NTMT2: variants seen among roughly 807,000 people sequenced by gnomAD.
NTMT2 encodes N-terminal Xaa-Pro-Lys N-methyltransferase 2, also known as X-Pro-Lys N-terminal protein methyltransferase 1B.
Under a neutral mutation model 23.4 loss-of-function variants are expected in NTMT2, and 21 were observed. That is an observed-to-expected ratio of 0.90 (90% CI 0.64 to 1.29). The LOEUF (loss-of-function observed/expected upper bound fraction) is 1.29, where lower values mean the gene tolerates loss of function less well. NTMT2 is among the 50% of genes most tolerant of loss of function. The pLI is 0.00. For missense variants in NTMT2, 336 were observed against 352.0 expected, an observed-to-expected ratio of 0.95 and a Z score of 0.36; for synonymous variants, 131 against 127.7, an observed-to-expected ratio of 1.03 and a Z score of -0.17.
At chr1:170,156,725 A>G (rs1319105511) in intron 1 of NTMT2, among the ~76,000 whole-genome samples, 2 of 151,732 alleles carry the variant, frequency 1.3e-5, no homozygotes, top group African/African-American at 2.4e-5. Context: ...GACACCTCAT[A>G]TATCTTTTTT....
Position 170,167,658 on chromosome 1 carries a change from G to C in NTMT2, c.753G>C (p.Lys251Asn), listed in dbSNP as rs1407379000. The C allele has an allele frequency of 5.8e-6, 9 of 1,551,708 alleles. No individual in the cohort carries two copies. Among genetic ancestry groups the C allele is most frequent in the Non-Finnish European group, 7.8e-6 (9 of 1,146,998 alleles). ...ACATCCTCCGGAGCCTAATAAGGAA[G>C]AGTGGGCTGGTGGTGCTGGGCCAGG... ...DMDILRSLIR[K>N]SGLVVLGQEK... is the part of the protein sequence containing the mutation. The change falls in exon 4 of 4, where the codon AAG (lysine) becomes AAC (asparagine). Residue 251 changes from lysine to asparagine, a missense_variant. Transcript: ENST00000439373.
At chr1:170,162,665 C>A (rs1043471188) in intron 2 of NTMT2, among the ~76,000 whole-genome samples, 7 of 152,220 alleles carry the variant, frequency 4.6e-5, no homozygotes, top group African/African-American at 1.7e-4. Context: ...GAGGTAAGTG[C>A]TATTATTAGC....
At chr1:170,154,720 AGACTTGG>A in intron 1 of NTMT2, among the ~76,000 whole-genome samples, 1 of 152,214 alleles carries the variant, frequency 6.6e-6, no homozygotes, top group African/African-American at 2.4e-5. Context: ...TTGTGACTTG[AGACTTGG>A]GACTTCTGAG....
At position 170,159,486 on chromosome 1, in the gene NTMT2, C is replaced by G. The variant is rs564977631; in HGVS notation, c.155-1032C>G. On this transcript the variant is annotated intron_variant, in intron 1 of 3. Transcript: ENST00000439373. ...TCGTACATTTGCCTTCCTGCTGATT[C>G]TAAGTCTGGAATGTAATTTACTCTT... is the stretch of plus-strand genomic sequence containing the variant. Among the ~76,000 whole-genome samples, 13 of 115,246 alleles carry G rather than the reference C, an allele frequency of 1.1e-4. No individual in the cohort carries two copies. The South Asian group carries it at 3.0e-3, about 27-fold the overall frequency. 75.6% of individuals were successfully genotyped at this position (115,246 alleles called of 152,430 possible). A position where few individuals can be genotyped will look rare whatever the true frequency, so the allele number is the denominator to read the frequency against.
chr1:170,162,623 G>A (rs1005525684), intron 2 of NTMT2, among the ~76,000 whole-genome samples: 2 of 152,180 alleles, frequency 1.3e-5, no homozygotes, highest in African/African-American at 2.4e-5. Context: ...CTTTAGAAGC[G>A]TTGTCTCATT....
chr1:170,151,932 C>A, intron 1 of NTMT2, among the ~76,000 whole-genome samples: 1 of 152,100 alleles, frequency 6.6e-6, no homozygotes, highest in East Asian at 1.9e-4. Context: ...TCTATAGTTA[C>A]TATTTTTTAA....
intron 1 of NTMT2, among the ~76,000 whole-genome samples, chr1:170,154,885 A>G (rs567288068): frequency 2.6e-5 from 4 of 152,216 alleles, no homozygotes; most frequent in African/African-American, 9.6e-5. Context: ...ATAATCCCCA[A>G]TGTTAGAAGT....
Position 170,167,885 on chromosome 1 carries a change from T to A in NTMT2, c.*128T>A. On this transcript the variant is annotated 3_prime_UTR_variant, in exon 4 of 4. Coordinates refer to ENST00000439373, the MANE Select transcript of NTMT2 (RefSeq NM_001136107.2). ...AGGGATACAACATATGTCTGCAAAT[T>A]ATTTGTGATATAATATGTACATGTT... The A allele has an allele frequency of 1.1e-6, 1 of 939,922 alleles. No individual in the cohort carries two copies. Among genetic ancestry groups the A allele is most frequent in the Non-Finnish European group, 1.6e-6 (1 of 644,808 alleles). The allele number at this position is 939,922 out of a possible 1,614,324, so 58.2% of individuals were successfully genotyped here.
intron 1 of NTMT2, among the ~76,000 whole-genome samples, chr1:170,149,329 T>G (rs1673023948): frequency 6.6e-6 from 1 of 152,266 alleles, no homozygotes. Flanking sequence ...AATCTGCATG[T>G]AAGTCTTATC....
chr1:170,146,174 A>G lies in NTMT2; in HGVS notation c.67A>G (p.Arg23Gly). ...GCAGAAGACCGACGATGAACTCTGT[A>G]GACATAGCATGTCTTTTATCCTTCA... ...RWQKTDDELC[R>G]HSMSFILHKA... is the part of the protein sequence containing the mutation. Residue 23 changes from arginine (R) to glycine (G), a missense_variant, in exon 1 of 4, where the codon AGA becomes GGA. By Grantham distance (125) the Arg-to-Gly change is moderately radical (BLOSUM62 -2). Coordinates refer to ENST00000439373, the MANE Select transcript of NTMT2 (RefSeq NM_001136107.2). 6.4e-7 allele frequency: 1 copy of G among 1,551,540 alleles called. No homozygotes were observed. Among genetic ancestry groups the G allele is most frequent in the Non-Finnish European group, 8.7e-7 (1 of 1,146,988 alleles).
chr1:170,151,524 T>G (rs1369117693), intron 1 of NTMT2: 2 of 154,208 alleles, frequency 1.3e-5, no homozygotes, highest in Admixed American at 6.6e-5. Flanking sequence ...CAGCTATTGG[T>G]ATTTTAAAAA....
intron 1 of NTMT2, among the ~76,000 whole-genome samples, chr1:170,155,070 A>G (rs563696980): frequency 3.9e-5 from 6 of 152,024 alleles, no homozygotes; most frequent in African/African-American, 9.6e-5. Context: ...ACTTTCTGCC[A>G]TGGTAAAAAC....
chr1:170,151,274 A>G (rs1358664779), intron 1 of NTMT2: 1 of 153,680 alleles, frequency 6.5e-6, no homozygotes, highest in Non-Finnish European at 1.5e-5. Context: ...AAAAGAGACA[A>G]TGTGAAGAGG....
chr1:170,157,019 A>G (rs1175189908), intron 1 of NTMT2, among the ~76,000 whole-genome samples: 1 of 150,906 alleles, frequency 6.6e-6, no homozygotes, highest in Non-Finnish European at 1.5e-5. Context: ...GTAGCATCCA[A>G]CCCTGGGCAG....
intron 2 of NTMT2, among the ~76,000 whole-genome samples, chr1:170,164,170 C>T (rs1377739880): frequency 6.6e-6 from 1 of 150,640 alleles, no homozygotes; most frequent in East Asian, 1.9e-4. Flanking sequence ...AATCACACAT[C>T]GCATGTAGTT....
At position 170,168,408 on chromosome 1, in the gene NTMT2, C is replaced by T. The variant is rs1021026612; in HGVS notation, c.*651C>T. Among the ~76,000 whole-genome samples the T allele has an allele frequency of 3.9e-5, 6 of 152,168 alleles. No homozygotes were observed. Among genetic ancestry groups the T allele is most frequent in the Non-Finnish European group, 8.8e-5 (6 of 68,042 alleles). ...TTATACTTCCTCTTTGGTACTACTACTTCTCTTGAACAAACATCTCCCTCT... is the reference window on the plus strand; with the variant it reads ...TTATACTTCCTCTTTGGTACTACTATTTCTCTTGAACAAACATCTCCCTCT... On this transcript the variant is annotated 3_prime_UTR_variant, in exon 4 of 4. Coordinates refer to ENST00000439373, the MANE Select transcript of NTMT2 (RefSeq NM_001136107.2).
At chr1:170,151,199 G>C (rs1673062179) in intron 1 of NTMT2, among the ~76,000 whole-genome samples, 1 of 151,848 alleles carries the variant, frequency 6.6e-6, no homozygotes, top group African/African-American at 2.4e-5. Context: ...AAGTCTCTCT[G>C]ATTCTCTTAC....
intron 1 of NTMT2, among the ~76,000 whole-genome samples, chr1:170,158,486 G>C (rs981491348): frequency 1.3e-5 from 2 of 151,498 alleles, no homozygotes; most frequent in Non-Finnish European, 2.9e-5. Flanking sequence ...TTCTCTAAAT[G>C]ACTTTTAGAT....
intron 1 of NTMT2, among the ~76,000 whole-genome samples, chr1:170,153,696 C>T (rs1305892354): frequency 1.3e-5 from 2 of 152,104 alleles, no homozygotes; most frequent in African/African-American, 4.8e-5. Flanking sequence ...AACAGCTTAA[C>T]CAGGATTTGG....
Sources: allele counts gnomAD v4.1 joint callset (sites outside exome capture counted in the v4.1 genomes callset), GRCh38; gene constraint gnomAD v4.1.1; transcripts MANE v1.5; gene names NCBI Gene and HGNC (gene_info 2026-07-23, HGNC 2026-07-21).